CDH13: variants seen among roughly 807,000 people sequenced by gnomAD.
The protein encoded by CDH13 is cadherin 13, also known as cadherin-13.
A neutral mutation model predicts 63.8 loss-of-function variants in CDH13; 24 were observed. The observed-to-expected ratio is 0.38, with a 90% CI of 0.27 to 0.53. The LOEUF (loss-of-function observed/expected upper bound fraction) is 0.53, where lower values mean the gene tolerates loss of function less well. CDH13 is among the 20% of genes least tolerant of loss of function. The pLI, the probability that CDH13 is intolerant of heterozygous loss-of-function variation, is 0.85. For missense variants in CDH13, 1,049 were observed against 903.1 expected (o/e 1.16, Z -2.07); for synonymous variants, 503 against 355.3 (o/e 1.42, Z -4.67).
At chr16:83,643,692 G>A (rs1434222927) in intron 8 of CDH13, among the ~76,000 whole-genome samples, 1 of 152,178 alleles carries the variant, frequency 6.6e-6, no homozygotes, top group African/African-American at 2.4e-5. Context: ...ATCCAAGTCA[G>A]TTTGCAGAAG....
chr16:83,336,380 A>T (rs2090597924), intron 5 of CDH13, among the ~76,000 whole-genome samples: 1 of 152,054 alleles, frequency 6.6e-6, no homozygotes, highest in Admixed American at 6.5e-5. Context: ...GGGTTCCAAT[A>T]GAAGTTTCTG....
chr16:82,839,706 AC>A (rs746305158), intron 1 of CDH13, among the ~76,000 whole-genome samples: 5 of 152,216 alleles, frequency 3.3e-5, no homozygotes, highest in Non-Finnish European at 7.3e-5. Context: ...TGCCCTTGGA[AC>A]AAAGTCTGTA....
chr16:83,071,905 G>C lies in CDH13; in HGVS notation c.366+39687G>C, dbSNP rs137965057. 4.5e-4 allele frequency among the ~76,000 whole-genome samples: 69 copies of C among 152,166 alleles called. 1 individual carries two copies. The East Asian group carries it at 8.5e-3, about 19-fold the overall frequency. ...GTAAAATACACAGAATTGATTCTATGCTCCATCATCTATGTGGTCATCTAA... is the reference window on the plus strand; with the variant it reads ...GTAAAATACACAGAATTGATTCTATCCTCCATCATCTATGTGGTCATCTAA... On this transcript the variant is annotated intron_variant, in intron 3 of 13. Coordinates refer to ENST00000567109, the MANE Select transcript of CDH13 (RefSeq NM_001257.5).
At chr16:83,535,275 G>A (rs146905197) in intron 7 of CDH13, among the ~76,000 whole-genome samples, 1 of 152,350 alleles carries the variant, frequency 6.6e-6, no homozygotes, top group South Asian at 2.1e-4. Flanking sequence ...GCTTTTATTG[G>A]CCAAATTAAG....
In CDH13 at chr16:82,627,047, C is replaced by G. The variant is rs370244769; in HGVS notation, c.-46C>G. ...CCACGGAAAATATGCTCAGTGCAGCCGCGTGCATGAATGAAAACGCCGCCG... is the reference window on the plus strand; with the variant it reads ...CCACGGAAAATATGCTCAGTGCAGCGGCGTGCATGAATGAAAACGCCGCCG... On this transcript the variant is annotated 5_prime_UTR_variant, in exon 1 of 14. Coordinates refer to ENST00000567109, the MANE Select transcript of CDH13 (RefSeq NM_001257.5). 17 of 1,569,854 alleles carry G rather than the reference C, an allele frequency of 1.1e-5. No individual in the cohort carries two copies. The Admixed American group carries it at 2.0e-4, about 19-fold the overall frequency.
intron 7 of CDH13, among the ~76,000 whole-genome samples, chr16:83,518,408 G>A (rs1019580320): frequency 2.6e-5 from 4 of 151,508 alleles, no homozygotes; most frequent in African/African-American, 9.7e-5. Flanking sequence ...GCCTCCCAAA[G>A]TGCTGAGATT....
chr16:83,311,338 A>T (rs1011360866), intron 5 of CDH13, among the ~76,000 whole-genome samples: 1 of 152,184 alleles, frequency 6.6e-6, no homozygotes, highest in Non-Finnish European at 1.5e-5. Flanking sequence ...AAAAAAAAAA[A>T]ATTAAAAAGT....
chr16:82,803,814 C>T (rs898138316), intron 1 of CDH13, among the ~76,000 whole-genome samples: 20 of 151,990 alleles, frequency 1.3e-4, no homozygotes. Context: ...TTTGGGGGAG[C>T]AGAAAGGGGA....
chr16:83,674,575 C>A (rs1914794943), intron 9 of CDH13, among the ~76,000 whole-genome samples: 2 of 152,228 alleles, frequency 1.3e-5, no homozygotes, highest in African/African-American at 4.8e-5. Flanking sequence ...GTGCATAAGG[C>A]AGAGGGGGGC....
At chr16:83,451,369 C>T (rs972956499) in intron 6 of CDH13, among the ~76,000 whole-genome samples, 2 of 152,120 alleles carry the variant, frequency 1.3e-5, no homozygotes, top group Admixed American at 6.6e-5. Context: ...AGACTTATTC[C>T]CTATCATGAG....
intron 3 of CDH13, among the ~76,000 whole-genome samples, chr16:83,033,665 C>T (rs757483838): frequency 1.3e-5 from 2 of 152,194 alleles, no homozygotes; most frequent in East Asian, 1.9e-4. Context: ...CACACATATG[C>T]ATACACTTTA....
chr16:83,744,215 G>A (rs112273166), intron 10 of CDH13, among the ~76,000 whole-genome samples: 3,974 of 152,282 alleles, frequency 0.026, 152 homozygotes, highest in African/African-American at 0.087. Context: ...TGGCAGAGCC[G>A]TCAGGGCCCG....
Position 83,795,043 on chromosome 16 carries a change from T to G in CDH13, c.*13T>G. On this transcript the variant is annotated 3_prime_UTR_variant, in exon 14 of 14. Transcript: ENST00000567109. ...TTCAGGTCTGTGAGAACTCCTGACG[T>G]CTGAAGCTTGACTCCCAAGTTTCCA... is the stretch of plus-strand genomic sequence containing the variant. 1 of 1,587,128 alleles carries G rather than the reference T, an allele frequency of 6.3e-7. No individual in the cohort carries two copies. The highest frequency in any genetic ancestry group is 8.6e-7 in the Non-Finnish European group (1 of 1,166,794).
intron 7 of CDH13, among the ~76,000 whole-genome samples, chr16:83,571,249 T>C (rs955696970): frequency 6.6e-6 from 1 of 152,134 alleles, no homozygotes; most frequent in African/African-American, 2.4e-5. Flanking sequence ...GTCTACATGT[T>C]TTATTTGCAA....
chr16:83,746,282 C>A (rs185017100), intron 10 of CDH13, among the ~76,000 whole-genome samples: 111 of 152,282 alleles, frequency 7.3e-4, no homozygotes, highest in African/African-American at 2.6e-3. Flanking sequence ...GTGGCTGCAG[C>A]ATTCCTTGGT....
intron 11 of CDH13, among the ~76,000 whole-genome samples, chr16:83,773,993 T>C (rs1303348190): frequency 6.6e-6 from 1 of 152,046 alleles, no homozygotes; most frequent in Non-Finnish European, 1.5e-5. Context: ...AGCTCTGGGG[T>C]CTCATTTCTG....
chr16:83,121,847 A>G (rs1348171665), intron 3 of CDH13, among the ~76,000 whole-genome samples: 4 of 152,208 alleles, frequency 2.6e-5, no homozygotes, highest in African/African-American at 7.2e-5. Context: ...CAAGGGTGCT[A>G]TGAATTTATA....
At position 82,914,665 on chromosome 16, in the gene CDH13, T is replaced by C. The variant is rs866203495; in HGVS notation, c.157+56192T>C. Among the ~76,000 whole-genome samples, 3 of 152,334 alleles carry C rather than the reference T, an allele frequency of 2.0e-5. No individual in the cohort carries two copies. In the Middle Eastern group the frequency reaches 0.01, roughly 518 times the overall value. ...TGCTTTCTTGAAGCTTGGTCAGCCC[T>C]GGCACAGGCAAAAGTGCATGTCATT... On this transcript the variant is annotated intron_variant, in intron 2 of 13. Transcript: ENST00000567109.
At chr16:83,086,772 C>A (rs1006892104) in intron 3 of CDH13, among the ~76,000 whole-genome samples, 3 of 152,018 alleles carry the variant, frequency 2.0e-5, no homozygotes, top group Non-Finnish European at 4.4e-5. Flanking sequence ...ATAAAACAAG[C>A]AATGGCAAAA....
Sources: allele counts gnomAD v4.1 joint callset (sites outside exome capture counted in the v4.1 genomes callset), GRCh38; gene constraint gnomAD v4.1.1; transcripts MANE v1.5; gene names NCBI Gene and HGNC (gene_info 2026-07-23, HGNC 2026-07-21).